The following NEBL variants were observed in gnomAD, a reference collection of about 807,000 sequenced individuals.
NEBL encodes the protein nebulette.
Under a neutral mutation model 140.2 loss-of-function variants are expected in NEBL, and 122 were observed. That is an observed-to-expected ratio of 0.87 (90% confidence interval 0.75 to 1.01). The LOEUF is 1.01. Ranked by LOEUF, NEBL falls within the 50% of genes least tolerant of loss-of-function variation. The pLI, the probability that NEBL is intolerant of heterozygous loss-of-function variation, is 0.00. For missense variants in NEBL, 1,365 were observed against 1,231.3 expected (o/e 1.11, Z -1.62); for synonymous variants, 436 against 398.9 (o/e 1.09, Z -1.11).
rs1228367877 is a variant in NEBL, at chr10:21,227,704, CTTCTTCTTT to C, written n.348+20208_348+20216del. The stretch of plus-strand genomic sequence containing the variant: ...TCTTCTTCTTCTTCTTCTTCTTCTT[CTTCTTCTTT>C]CTTCTTCTTCTTCTTCTTCTTCTTC... On this transcript the variant is annotated intron_variant and non_coding_transcript_variant, in intron 3 of 8. Coordinates refer to the NEBL transcript ENST00000675702. Among the ~76,000 whole-genome samples, 4 of 74,888 alleles carry C rather than the reference CTTCTTCTTT, an allele frequency of 5.3e-5. No individual in the cohort carries two copies. The East Asian group carries it at 9.8e-4, about 18-fold the overall frequency. 49.1% of individuals were successfully genotyped at this position (74,888 alleles called of 152,430 possible).
intron 3 of NEBL, among the ~76,000 whole-genome samples, chr10:20,964,046 G>A (rs1719957016): frequency 6.6e-6 from 1 of 152,118 alleles, no homozygotes; most frequent in Non-Finnish European, 1.5e-5. Context: ...GTATCAGATG[G>A]TTTGTCAGTC....
exon 1 of NEBL, among the ~76,000 whole-genome samples, chr10:21,292,843 T>C (rs1843163703): frequency 6.6e-6 from 1 of 152,202 alleles, no homozygotes; most frequent in Non-Finnish European, 1.5e-5. Flanking sequence ...CTTGGCTCTT[T>C]TTCCACCCAC....
chr10:21,222,169 G>A (rs1842077815), intron 3 of NEBL, among the ~76,000 whole-genome samples: 1 of 151,930 alleles, frequency 6.6e-6, no homozygotes, highest in South Asian at 2.1e-4. Context: ...ATTTGGACTG[G>A]GCACGGTGGC....
At chr10:21,273,685 C>T (rs1464069150) in intron 1 of NEBL, among the ~76,000 whole-genome samples, 1 of 152,234 alleles carries the variant, frequency 6.6e-6, no homozygotes, top group Non-Finnish European at 1.5e-5. Context: ...CCTTAAGATG[C>T]AGCTTCTAGT....
chr10:21,197,983 T>C (rs990348512), intron 3 of NEBL, among the ~76,000 whole-genome samples: 25 of 151,624 alleles, frequency 1.6e-4, no homozygotes, highest in Admixed American at 4.0e-4. Flanking sequence ...GAGGGTCTCC[T>C]CCTATCTCTT....
intron 13 of NEBL, among the ~76,000 whole-genome samples, chr10:20,836,780 C>T (rs1293207123): frequency 6.6e-6 from 1 of 152,026 alleles, no homozygotes; most frequent in Admixed American, 6.6e-5. Context: ...TCCTTTACAC[C>T]CAATAAAACT....
chr10:21,227,715 TTCTTCTTCTTCTTCTTCTTCTTCTTCTTC>T (rs1842180819), intron 3 of NEBL, among the ~76,000 whole-genome samples: 1 of 80,324 alleles, frequency 1.2e-5, no homozygotes, highest in African/African-American at 5.6e-5. Context: ...TTCTTCTTTC[TTCTTCTTCTTCTTCTTCTTCTTCTTCTTC>T]TTCTTCTTCT....
intron 3 of NEBL, among the ~76,000 whole-genome samples, chr10:20,972,896 T>C (rs1836642217): frequency 1.3e-5 from 2 of 152,360 alleles, no homozygotes; most frequent in East Asian, 3.9e-4. Context: ...CTGAATTTCA[T>C]TTAAAATATA....
chr10:20,885,004 G>T (rs945611165), intron 4 of NEBL, among the ~76,000 whole-genome samples: 1 of 152,168 alleles, frequency 6.6e-6, no homozygotes, highest in Non-Finnish European at 1.5e-5. Context: ...TGTTCATCTA[G>T]CTAACTTTAT....
chr10:21,184,129 G>A (rs1841428257), intron 3 of NEBL, among the ~76,000 whole-genome samples: 1 of 152,160 alleles, frequency 6.6e-6, no homozygotes, highest in South Asian at 2.1e-4. Flanking sequence ...TTTAATGAGT[G>A]AAAAAGGGAA....
At chr10:20,885,501 C>G (rs1846434175) in intron 4 of NEBL, among the ~76,000 whole-genome samples, 1 of 152,184 alleles carries the variant, frequency 6.6e-6, no homozygotes, top group South Asian at 2.1e-4. Flanking sequence ...CTAACAATGT[C>G]AGTGGGAACC....
At chr10:20,946,424 G>A (rs1835164151) in intron 4 of NEBL, among the ~76,000 whole-genome samples, 1 of 152,114 alleles carries the variant, frequency 6.6e-6, no homozygotes, top group African/African-American at 2.4e-5. Context: ...TGAGCCAGGA[G>A]TAGCTACGTG....
At chr10:21,023,388 A>G (rs1055959775) in intron 2 of NEBL, among the ~76,000 whole-genome samples, 6 of 152,102 alleles carry the variant, frequency 3.9e-5, no homozygotes, top group Non-Finnish European at 7.4e-5. Flanking sequence ...TTCTTCTGCC[A>G]TTTACCTTTA....
At chr10:20,855,446 T>G (rs948611256) in intron 9 of NEBL, among the ~76,000 whole-genome samples, 3 of 150,254 alleles carry the variant, frequency 2.0e-5, no homozygotes, top group African/African-American at 7.3e-5. Flanking sequence ...AAAAATTCAG[T>G]AAATATTGTT....
intron 3 of NEBL, among the ~76,000 whole-genome samples, chr10:20,971,783 T>C (rs1217535889): frequency 6.6e-6 from 1 of 151,966 alleles, no homozygotes; most frequent in Non-Finnish European, 1.5e-5. Context: ...CCAGCTAATT[T>C]TTTGTATTTT....
chr10:20,882,987 C>T (rs550106733), intron 4 of NEBL, among the ~76,000 whole-genome samples: 8 of 152,294 alleles, frequency 5.3e-5, no homozygotes, highest in African/African-American at 1.7e-4. Context: ...TGGGAAGACA[C>T]CCGTCACTGA....
chr10:21,191,066 C>T (rs972783392), intron 3 of NEBL, among the ~76,000 whole-genome samples: 1 of 152,068 alleles, frequency 6.6e-6, no homozygotes, highest in Non-Finnish European at 1.5e-5. Context: ...ATGGAGGAAC[C>T]TTAAACTACT....
intron 6 of NEBL, 49 bp downstream of exon 6, chr10:20,869,691 T>A (rs1257940770): frequency 7.4e-7 from 1 of 1,352,030 alleles, no homozygotes; most frequent in Non-Finnish European, 1.1e-6. Flanking sequence ...CTTTGCCTCC[T>A]ACAAAAGTAA....
At chr10:20,807,651 T>G (rs895762524) in intron 26 of NEBL, among the ~76,000 whole-genome samples, 29 of 150,998 alleles carry the variant, frequency 1.9e-4, no homozygotes, top group African/African-American at 7.2e-4. Flanking sequence ...AGGTGTTAAG[T>G]TGCTCAACCT....
Sources: allele counts gnomAD v4.1 joint callset (sites outside exome capture counted in the v4.1 genomes callset), GRCh38; gene constraint gnomAD v4.1.1; transcripts MANE v1.5; gene names NCBI Gene and HGNC (gene_info 2026-07-23, HGNC 2026-07-21).